CDH13: variants seen among roughly 807,000 people sequenced by gnomAD.
CDH13 encodes cadherin 13.
CDH13 carries 24 observed loss-of-function variants against 63.8 expected under a neutral mutation model. That is an observed-to-expected ratio of 0.38 (90% CI 0.27 to 0.53). CDH13 has a LOEUF of 0.53. Among genes scored for constraint, CDH13 ranks in the 20% least tolerant of loss-of-function variants. CDH13 has a pLI of 0.85. For synonymous variants in CDH13, 503 were observed against 355.3 expected, an observed-to-expected ratio of 1.42 and a Z score of -4.67; for missense variants, 1,049 against 903.1, an observed-to-expected ratio of 1.16 and a Z score of -2.07.
chr16:83,700,303 A>G (rs1327866661), intron 10 of CDH13, among the ~76,000 whole-genome samples: 4 of 152,226 alleles, frequency 2.6e-5, no homozygotes, highest in Non-Finnish European at 5.9e-5. Flanking sequence ...ATTCAATTCT[A>G]TGCAGTCCCC....
intron 2 of CDH13, among the ~76,000 whole-genome samples, chr16:82,870,645 T>C (rs184845656): frequency 2.0e-5 from 3 of 152,202 alleles, no homozygotes; most frequent in African/African-American, 7.2e-5. Flanking sequence ...AATTGGAATG[T>C]CCCTAACACA....
chr16:83,172,808 A>AG (rs2037979481), intron 4 of CDH13, among the ~76,000 whole-genome samples: 2 of 152,254 alleles, frequency 1.3e-5, no homozygotes, highest in African/African-American at 4.8e-5. Flanking sequence ...AAAACAAAGA[A>AG]GGCTAAATAG....
intron 10 of CDH13, among the ~76,000 whole-genome samples, chr16:83,716,673 G>A (rs937318895): frequency 1.3e-5 from 2 of 152,038 alleles, no homozygotes; most frequent in Non-Finnish European, 2.9e-5. Flanking sequence ...TAGTAGAGAT[G>A]GGGTTTCACT....
At chr16:83,565,282 T>A (rs1330688766) in intron 7 of CDH13, among the ~76,000 whole-genome samples, 3 of 151,868 alleles carry the variant, frequency 2.0e-5, no homozygotes, top group African/African-American at 7.3e-5. Context: ...CCGAAAGAGT[T>A]CTCGAAGCCC....
intron 3 of CDH13, among the ~76,000 whole-genome samples, chr16:83,118,714 C>G (rs1001133049): frequency 1.3e-5 from 2 of 152,118 alleles, no homozygotes; most frequent in African/African-American, 4.8e-5. Flanking sequence ...TTCTCATAAC[C>G]TAGAGGACGG....
chr16:82,656,634 G>A (rs1418113294), intron 1 of CDH13, among the ~76,000 whole-genome samples: 1 of 152,144 alleles, frequency 6.6e-6, no homozygotes, highest in Non-Finnish European at 1.5e-5. Flanking sequence ...GCTGTACGGT[G>A]TATGGTGGAT....
intron 1 of CDH13, among the ~76,000 whole-genome samples, chr16:82,686,111 G>T (rs1012481443): frequency 1.3e-5 from 2 of 152,070 alleles, no homozygotes; most frequent in Non-Finnish European, 2.9e-5. Flanking sequence ...CAGAAATTTG[G>T]GTAATGCATC....
At chr16:82,638,848 A>G (rs1238823509) in intron 1 of CDH13, among the ~76,000 whole-genome samples, 1 of 61,690 alleles carries the variant, frequency 1.6e-5, no homozygotes, top group African/African-American at 4.8e-5. Flanking sequence ...GTGTGCATGC[A>G]CGCACCAGTG....
intron 4 of CDH13, chr16:83,171,612 T>A: frequency 2.0e-6 from 3 of 1,469,330 alleles, no homozygotes; most frequent in Middle Eastern, 1.7e-4. Context: ...TCTATCTTCA[T>A]TTCCTTGTTT....
chr16:83,409,124 C>T (rs2092089508), intron 6 of CDH13, among the ~76,000 whole-genome samples: 1 of 152,066 alleles, frequency 6.6e-6, no homozygotes, highest in African/African-American at 2.4e-5. Flanking sequence ...GGAAATAAGA[C>T]AGGGGAGGGA....
chr16:83,093,537 C>G (rs907382878), intron 3 of CDH13, among the ~76,000 whole-genome samples: 43 of 151,904 alleles, frequency 2.8e-4, no homozygotes, highest in African/African-American at 9.9e-4. Flanking sequence ...CCAGCCTGGT[C>G]TCGAACTCCT....
intron 2 of CDH13, among the ~76,000 whole-genome samples, chr16:82,956,424 C>A (rs1457817087): frequency 6.6e-6 from 1 of 152,034 alleles, no homozygotes; most frequent in Non-Finnish European, 1.5e-5. Flanking sequence ...CCTGCCACAC[C>A]CTTTGGAACT....
At chr16:83,557,605 A>C (rs1345428579) in intron 7 of CDH13, among the ~76,000 whole-genome samples, 3 of 152,208 alleles carry the variant, frequency 2.0e-5, no homozygotes, top group African/African-American at 7.2e-5. Context: ...TCAGGCACTC[A>C]GGGTGACATA....
intron 2 of CDH13, among the ~76,000 whole-genome samples, chr16:82,922,297 G>A (rs1419533791): frequency 1.3e-5 from 2 of 152,214 alleles, no homozygotes; most frequent in Non-Finnish European, 2.9e-5. Flanking sequence ...AATATGACTG[G>A]ACAACTTTTC....
intron 1 of CDH13, among the ~76,000 whole-genome samples, chr16:82,850,965 G>T (rs1195903200): frequency 6.6e-6 from 1 of 152,210 alleles, no homozygotes; most frequent in East Asian, 1.9e-4. Flanking sequence ...AAGCCAAAAA[G>T]TTCATGTGAC....
At chr16:83,530,159 G>A (rs923367264) in intron 7 of CDH13, among the ~76,000 whole-genome samples, 1 of 152,106 alleles carries the variant, frequency 6.6e-6, no homozygotes, top group African/African-American at 2.4e-5. Flanking sequence ...GAGCATTTTG[G>A]GGGTGTTCAG....
intron 8 of CDH13, among the ~76,000 whole-genome samples, chr16:83,627,748 C>T (rs1910443245): frequency 6.6e-6 from 1 of 152,100 alleles, no homozygotes; most frequent in African/African-American, 2.4e-5. Flanking sequence ...AGAGAGGGTT[C>T]TTGGATCTTA....
chr16:83,750,799 G>T (rs1222423670), intron 11 of CDH13, among the ~76,000 whole-genome samples: 1 of 152,148 alleles, frequency 6.6e-6, no homozygotes, highest in Non-Finnish European at 1.5e-5. Flanking sequence ...AGATGCTTCA[G>T]TCTTGGACTT....
chr16:82,697,518 C>T (rs2030466240), intron 1 of CDH13, among the ~76,000 whole-genome samples: 1 of 147,912 alleles, frequency 6.8e-6, no homozygotes, highest in African/African-American at 2.5e-5. Context: ...CAACCTCTGC[C>T]TCCGGGTTCA....
Sources: gnomAD v4.1 joint callset for allele counts (sites outside exome capture counted in the v4.1 genomes callset) on GRCh38, gnomAD v4.1.1 for gene constraint, MANE v1.5 for transcripts, NCBI Gene and HGNC (gene_info 2026-07-23, HGNC 2026-07-21) for gene names.